Variants in RAPGEF2 observed in about 807,000 individuals in gnomAD.
RAPGEF2 encodes Rap guanine nucleotide exchange factor 2.
Under a neutral mutation model 186.7 loss-of-function variants are expected in RAPGEF2, and 54 were observed. The ratio of observed to expected loss-of-function variants is 0.29; its 90% CI spans 0.23 to 0.36. RAPGEF2 has a LOEUF of 0.36. RAPGEF2 is among the 10% of genes least tolerant of loss of function. The pLI, the probability that RAPGEF2 is intolerant of heterozygous loss-of-function variation, is 1.00. For missense variants in RAPGEF2, 1,532 were observed against 2,045.0 expected (o/e 0.75, Z 4.84); for synonymous variants, 712 against 705.9 (o/e 1.01, Z -0.14).
At chr4:159,356,364 C>G (rs1363258480) in intron 29 of RAPGEF2, among the ~76,000 whole-genome samples, 1 of 152,098 alleles carries the variant, frequency 6.6e-6, no homozygotes, top group Non-Finnish European at 1.5e-5. Context: ...CCTTAAATGG[C>G]TTTAAAAATG....
chr4:159,350,587 C>T (rs1438428507), intron 26 of RAPGEF2, among the ~76,000 whole-genome samples: 1 of 152,036 alleles, frequency 6.6e-6, no homozygotes, highest in African/African-American at 2.4e-5. Flanking sequence ...ACAATTTGTT[C>T]TAACTAAATT....
chr4:159,212,148 G>T (rs534647745), intron 4 of RAPGEF2, among the ~76,000 whole-genome samples: 1 of 152,212 alleles, frequency 6.6e-6, no homozygotes, highest in Non-Finnish European at 1.5e-5. Flanking sequence ...CTGGAAATCT[G>T]CCTAGAAAGC....
chr4:159,198,041 CCT>C (rs1579437809), intron 3 of RAPGEF2, among the ~76,000 whole-genome samples: 1 of 152,070 alleles, frequency 6.6e-6, no homozygotes, highest in East Asian at 1.9e-4. Context: ...TTCTCCTTTG[CCT>C]CTCTTACTCA....
chr4:159,148,380 G>A (rs1207736493), intron 1 of RAPGEF2, among the ~76,000 whole-genome samples: 1 of 152,086 alleles, frequency 6.6e-6, no homozygotes, highest in Non-Finnish European at 1.5e-5. Flanking sequence ...TTTGTTTTTA[G>A]GAAAGTTTTA....
At chr4:159,251,262 G>A (rs1388391941) in intron 7 of RAPGEF2, among the ~76,000 whole-genome samples, 1 of 152,244 alleles carries the variant, frequency 6.6e-6, no homozygotes, top group Non-Finnish European at 1.5e-5. Flanking sequence ...GACGGGCGCC[G>A]TCCCTTGCTC....
chr4:159,304,566 ATGTG>A, intron 8 of RAPGEF2, 93 bp downstream of exon 8: 6 of 1,204,110 alleles, frequency 5.0e-6, no homozygotes, highest in Non-Finnish European at 7.0e-6. Flanking sequence ...AAATAAATAT[ATGTG>A]TATATTACAT....
At chr4:159,132,128 A>G (rs991542604) in intron 1 of RAPGEF2, among the ~76,000 whole-genome samples, 1 of 152,218 alleles carries the variant, frequency 6.6e-6, no homozygotes, top group Non-Finnish European at 1.5e-5. Context: ...GAGAGGGGCT[A>G]GTTGGTCTAG....
intron 1 of RAPGEF2, among the ~76,000 whole-genome samples, chr4:159,153,922 A>G (rs1028402931): frequency 6.6e-5 from 10 of 152,204 alleles, no homozygotes; most frequent in African/African-American, 9.7e-5. Context: ...TCGATGTTCA[A>G]TTAGTACTTG....
chr4:159,296,773 A>T (rs993685446), intron 7 of RAPGEF2, among the ~76,000 whole-genome samples: 8 of 152,244 alleles, frequency 5.3e-5, no homozygotes, highest in Admixed American at 2.6e-4. Flanking sequence ...TTTGAAATAC[A>T]TGGTACTTAG....
chr4:159,166,343 G>A (rs560763873), intron 1 of RAPGEF2, among the ~76,000 whole-genome samples: 1 of 152,124 alleles, frequency 6.6e-6, no homozygotes, highest in African/African-American at 2.4e-5. Context: ...AAGGGCAGAG[G>A]CATAAATCAA....
chr4:159,166,262 C>T (rs1465670194), intron 1 of RAPGEF2, among the ~76,000 whole-genome samples: 3 of 151,710 alleles, frequency 2.0e-5, no homozygotes, highest in Non-Finnish European at 2.9e-5. Flanking sequence ...TGCAGTGAGC[C>T]GAGATCATGC....
chr4:159,296,210 G>C (rs1432130099), intron 7 of RAPGEF2, among the ~76,000 whole-genome samples: 1 of 152,186 alleles, frequency 6.6e-6, no homozygotes, highest in Non-Finnish European at 1.5e-5. Context: ...ACAGCACTGT[G>C]TCATTTATAG....
intron 1 of RAPGEF2, among the ~76,000 whole-genome samples, chr4:159,151,072 C>T (rs895267077): frequency 1.3e-5 from 2 of 152,198 alleles, no homozygotes; most frequent in African/African-American, 4.8e-5. Context: ...AAATCGGAGA[C>T]TTATATTGTA....
chr4:159,113,896 A>G (rs868830957), intron 1 of RAPGEF2, among the ~76,000 whole-genome samples: 1 of 152,196 alleles, frequency 6.6e-6, no homozygotes, highest in East Asian at 1.9e-4. Flanking sequence ...ACTTGAAAGC[A>G]CACACACACA....
In RAPGEF2 at chr4:159,326,407, C is replaced by T. The variant is rs1765928695; in HGVS notation, c.1149+2790C>T. On this transcript the variant is annotated intron_variant, in intron 11 of 29. Coordinates refer to ENST00000691494, the MANE Select transcript of RAPGEF2 (RefSeq NM_001394067.2). ...TGAACAAAAATGATGCTATCTTTAC[C>T]AAGAAAAAACAACTTTGCATAGGCT... Among the ~76,000 whole-genome samples, 4 of 152,160 alleles carry T rather than the reference C, an allele frequency of 2.6e-5. No homozygotes were observed. The South Asian group carries it at 8.3e-4, about 32-fold the overall frequency.
At chr4:159,350,330 A>G (rs1730998191) in intron 26 of RAPGEF2, 41 bp downstream of exon 26, 2 of 1,443,982 alleles carry the variant, frequency 1.4e-6, no homozygotes, top group Non-Finnish European at 1.9e-6. Flanking sequence ...ATTGAAACCT[A>G]TACATTTTGG....
chr4:159,303,154 A>G (rs964756101), intron 7 of RAPGEF2, among the ~76,000 whole-genome samples: 1 of 152,168 alleles, frequency 6.6e-6, no homozygotes, highest in Non-Finnish European at 1.5e-5. Flanking sequence ...AGGGATATAA[A>G]TACATTTTGC....
At chr4:159,114,957 TC>T (rs1256039201) in intron 1 of RAPGEF2, among the ~76,000 whole-genome samples, 1 of 152,188 alleles carries the variant, frequency 6.6e-6, no homozygotes, top group Non-Finnish European at 1.5e-5. Context: ...TTGAATACTT[TC>T]ATCTAGATGT....
At chr4:159,220,635 A>G (rs922839287) in intron 4 of RAPGEF2, among the ~76,000 whole-genome samples, 1 of 152,138 alleles carries the variant, frequency 6.6e-6, no homozygotes, top group African/African-American at 2.4e-5. Flanking sequence ...TGTCTGGGAT[A>G]TCCACCACAT....
Sources: allele counts gnomAD v4.1 joint callset (sites outside exome capture counted in the v4.1 genomes callset), GRCh38; gene constraint gnomAD v4.1.1; transcripts MANE v1.5; gene names NCBI Gene and HGNC (gene_info 2026-07-23, HGNC 2026-07-21).